PRKN: variants seen among roughly 807,000 people sequenced by gnomAD.
The protein encoded by PRKN is parkin RBR E3 ubiquitin protein ligase.
A neutral mutation model predicts 59.5 loss-of-function variants in PRKN; 56 were observed. The observed-to-expected ratio is 0.94, with a 90% confidence interval of 0.76 to 1.18. PRKN has a LOEUF of 1.18. Ranked by LOEUF, PRKN falls within the 50% of genes most tolerant of loss-of-function variation. PRKN has a pLI of 0.00. For missense variants in PRKN, 657 were observed against 596.4 expected, an observed-to-expected ratio of 1.10 and a Z score of -1.06; for synonymous variants, 250 against 222.1, an observed-to-expected ratio of 1.13 and a Z score of -1.12.
intron 9 of PRKN, among the ~76,000 whole-genome samples, chr6:161,534,479 C>A (rs150772396): frequency 2.6e-5 from 4 of 152,338 alleles, no homozygotes; most frequent in African/African-American, 4.8e-5. Flanking sequence ...AGCAGCTCCA[C>A]GTGTGGGCAA....
At chr6:162,035,835 A>G (rs1261362909) in intron 5 of PRKN, among the ~76,000 whole-genome samples, 2 of 152,228 alleles carry the variant, frequency 1.3e-5, no homozygotes, top group Non-Finnish European at 2.9e-5. Flanking sequence ...ATGCATAAAA[A>G]GTAATTTGTA....
chr6:161,411,536 G>A (rs1487180223), intron 9 of PRKN, among the ~76,000 whole-genome samples: 1 of 152,138 alleles, frequency 6.6e-6, no homozygotes, highest in African/African-American at 2.4e-5. Flanking sequence ...GAGTCTGGGG[G>A]CCATGGCGAC....
chr6:162,152,173 C>A (rs73592311), intron 4 of PRKN, among the ~76,000 whole-genome samples: 3,693 of 152,192 alleles, frequency 0.024, 159 homozygotes, highest in African/African-American at 0.084. Flanking sequence ...TGAAATAAAA[C>A]GTTATCCTGC....
At chr6:162,643,223 C>A (rs955806439) in intron 1 of PRKN, among the ~76,000 whole-genome samples, 6 of 151,744 alleles carry the variant, frequency 4.0e-5, no homozygotes, top group African/African-American at 1.5e-4. Flanking sequence ...CATGGTGAAA[C>A]CCCGTCTCTA....
At chr6:161,443,294 A>G in intron 9 of PRKN, among the ~76,000 whole-genome samples, 1 of 147,896 alleles carries the variant, frequency 6.8e-6, no homozygotes. Context: ...TGGGTGACAG[A>G]GCAAGACTCC....
intron 5 of PRKN, among the ~76,000 whole-genome samples, chr6:162,009,773 T>A (rs2128267312): frequency 6.6e-6 from 1 of 151,356 alleles, no homozygotes; most frequent in Non-Finnish European, 1.5e-5. Flanking sequence ...CCATCTCTAC[T>A]AAAAATACAA....
At chr6:162,669,184 C>T (rs1229870228) in intron 1 of PRKN, among the ~76,000 whole-genome samples, 1 of 151,980 alleles carries the variant, frequency 6.6e-6, no homozygotes, top group South Asian at 2.1e-4. Context: ...GACCTAAAAG[C>T]CTGAAACTTC....
chr6:162,186,442 GGAGATAATGTTTGAAGGT>G (rs6149894), intron 4 of PRKN, among the ~76,000 whole-genome samples: 140,067 of 151,518 alleles, frequency 0.92, 64,800 homozygotes, highest in East Asian at 0.99. Context: ...TGGAGTGAGT[GGAGATAATGTTTGAAGGT>G]GAGATAATGT....
intron 7 of PRKN, among the ~76,000 whole-genome samples, chr6:161,570,491 C>T (rs893729702): frequency 3.3e-5 from 5 of 151,414 alleles, no homozygotes; most frequent in African/African-American, 1.2e-4. Flanking sequence ...ACAGCAGGAC[C>T]AACCCTTCCC....
intron 6 of PRKN, among the ~76,000 whole-genome samples, chr6:161,946,414 A>ACACACTCTCTCT (rs1247187053): frequency 3.1e-4 from 35 of 114,446 alleles, no homozygotes; most frequent in African/African-American, 1.0e-3. Context: ...ACACACACAC[A>ACACACTCTCTCT]CTCTCTCTCT....
intron 7 of PRKN, among the ~76,000 whole-genome samples, chr6:161,726,020 G>A (rs1028103832): frequency 1.3e-5 from 2 of 152,160 alleles, no homozygotes; most frequent in East Asian, 1.9e-4. Context: ...AGGCAGTGTC[G>A]TATGCAGCTG....
intron 2 of PRKN, among the ~76,000 whole-genome samples, chr6:162,329,789 C>A: frequency 6.6e-6 from 1 of 152,000 alleles, no homozygotes; most frequent in East Asian, 1.9e-4. Flanking sequence ...AAAATAAATC[C>A]TGTAAAACCA....
intron 2 of PRKN, among the ~76,000 whole-genome samples, chr6:162,380,240 G>A (rs1583468337): frequency 6.6e-6 from 1 of 151,676 alleles, no homozygotes; most frequent in Non-Finnish European, 1.5e-5. Flanking sequence ...CAAGTATAGT[G>A]ATAGCATTAT....
rs565935830 is a variant in PRKN, at chr6:161,354,873, T to G, written c.1286-4662A>C. 6.6e-6 allele frequency among the ~76,000 whole-genome samples: 1 copy of G among 152,354 alleles called. No individual in the cohort carries two copies. The highest frequency in any genetic ancestry group is 2.1e-4 in the South Asian group (1 of 4,828). ...CTTTCATTTATAGTACATCACAATATTTCCAAGAAATAGCCCGACAGGGAG... is the reference window on the plus strand; with the variant it reads ...CTTTCATTTATAGTACATCACAATAGTTCCAAGAAATAGCCCGACAGGGAG... On this transcript the variant is annotated intron_variant, in intron 11 of 11. Transcript: ENST00000366898. The surrounding 1 kb of genome is among the most constrained non-coding windows in gnomAD (Gnocchi z 6.7).
intron 5 of PRKN, among the ~76,000 whole-genome samples, chr6:162,000,929 C>A (rs1272464373): frequency 6.6e-6 from 1 of 151,664 alleles, no homozygotes; most frequent in East Asian, 1.9e-4. Context: ...ATATTCTTTG[C>A]TTCTTTGTTA....
At chr6:161,726,680 C>A (rs1787453499) in intron 7 of PRKN, among the ~76,000 whole-genome samples, 1 of 152,076 alleles carries the variant, frequency 6.6e-6, no homozygotes, top group Non-Finnish European at 1.5e-5. Context: ...AAAACCATGA[C>A]ATACAAATTT....
intron 3 of PRKN, among the ~76,000 whole-genome samples, chr6:162,227,531 T>C: frequency 6.6e-6 from 1 of 152,158 alleles, no homozygotes; most frequent in East Asian, 1.9e-4. Context: ...CAAACACTTG[T>C]TTTACTTTAG....
chr6:162,002,910 C>T lies in PRKN; in HGVS notation c.619-29493G>A, dbSNP rs547388799. ...CTGAGAAGTTTGTGTTTAATTTCCACGTCTTTTGGGATTTTCCATCTGTCT... is the reference window on the plus strand; with the variant it reads ...CTGAGAAGTTTGTGTTTAATTTCCATGTCTTTTGGGATTTTCCATCTGTCT... On this transcript the variant is annotated intron_variant, in intron 5 of 11. Transcript: ENST00000366898. Among the ~76,000 whole-genome samples the T allele has an allele frequency of 2.4e-4, 36 of 152,122 alleles. 1 individual carries two copies. The highest frequency in any genetic ancestry group is 6.8e-3 in the Middle Eastern group (2 of 294).
intron 6 of PRKN, among the ~76,000 whole-genome samples, chr6:161,822,373 C>T (rs1252022811): frequency 1.2e-4 from 18 of 152,134 alleles, no homozygotes; most frequent in Admixed American, 1.1e-3. Flanking sequence ...GCATCTTGGA[C>T]GATGAATAAA....
Sources: allele counts gnomAD v4.1 joint callset (sites outside exome capture counted in the v4.1 genomes callset), GRCh38; gene constraint gnomAD v4.1.1; non-coding constraint Gnocchi (gnomAD v3.1); transcripts MANE v1.5; gene names NCBI Gene and HGNC (gene_info 2026-07-23, HGNC 2026-07-21).